RNGTT: variants seen among roughly 807,000 people sequenced by gnomAD.
The protein encoded by RNGTT is mRNA-capping enzyme.
In RNGTT, 33 loss-of-function variants were observed where a neutral mutation model predicts 79.3. That is an observed-to-expected ratio of 0.42 (90% CI 0.32 to 0.56). RNGTT has a LOEUF of 0.56. Ranked by LOEUF, RNGTT falls within the 20% of genes least tolerant of loss-of-function variation. The probability of loss-of-function intolerance (pLI) is 0.17; values close to 1 mark genes in which losing one functional copy is unlikely to be tolerated. For synonymous variants in RNGTT, 222 were observed against 235.9 expected, an observed-to-expected ratio of 0.94 and a Z score of 0.54; for missense variants, 497 against 739.1, an observed-to-expected ratio of 0.67 and a Z score of 3.80.
intron 13 of RNGTT, among the ~76,000 whole-genome samples, chr6:88,737,312 G>C (rs994892558): frequency 2.0e-5 from 3 of 152,172 alleles, no homozygotes; most frequent in Non-Finnish European, 4.4e-5. Context: ...CACAGCTAGA[G>C]AGAATTTTGT....
At chr6:88,664,679 T>C (rs145761220) in intron 14 of RNGTT, among the ~76,000 whole-genome samples, 1 of 152,130 alleles carries the variant, frequency 6.6e-6, no homozygotes, top group Non-Finnish European at 1.5e-5. Flanking sequence ...GAAAGATAAG[T>C]GCCCTCAGCT....
chr6:88,718,386 CAA>C (rs569752110), intron 13 of RNGTT, among the ~76,000 whole-genome samples: 25 of 90,200 alleles, frequency 2.8e-4, no homozygotes, highest in Admixed American at 3.9e-4. Flanking sequence ...GACTGTCTCT[CAA>C]AAAAAAAAAA....
chr6:88,624,875 A>G (rs1394164195), intron 14 of RNGTT, among the ~76,000 whole-genome samples: 1 of 151,948 alleles, frequency 6.6e-6, no homozygotes, highest in Non-Finnish European at 1.5e-5. Context: ...AAACTCAGTA[A>G]GAAACAAACA....
intron 4 of RNGTT, among the ~76,000 whole-genome samples, chr6:88,922,672 C>T (rs763265040): frequency 2.0e-5 from 3 of 152,078 alleles, no homozygotes; most frequent in Non-Finnish European, 2.9e-5. Flanking sequence ...GGACTACAGG[C>T]GTCCGCCACC....
intron 4 of RNGTT, among the ~76,000 whole-genome samples, chr6:88,920,729 A>G (rs1054515340): frequency 6.6e-6 from 1 of 152,248 alleles, no homozygotes; most frequent in Non-Finnish European, 1.5e-5. Context: ...ATTAGATGTC[A>G]TGATTTTAGA....
intron 13 of RNGTT, among the ~76,000 whole-genome samples, chr6:88,710,304 T>C (rs1776275187): frequency 6.6e-6 from 1 of 152,228 alleles, no homozygotes; most frequent in South Asian, 2.1e-4. Flanking sequence ...GGTTTTATCA[T>C]ACATATGTAT....
intron 14 of RNGTT, among the ~76,000 whole-genome samples, chr6:88,639,504 C>T (rs1044112261): frequency 6.6e-6 from 1 of 152,070 alleles, no homozygotes. Context: ...CAAGCACTTG[C>T]CAAGTAAGTG....
chr6:88,959,994 A>T (rs1254392463), intron 1 of RNGTT, among the ~76,000 whole-genome samples: 2 of 152,226 alleles, frequency 1.3e-5, no homozygotes, highest in Non-Finnish European at 2.9e-5. Flanking sequence ...TTTACTGAAG[A>T]TAATTCATGT....
intron 12 of RNGTT, among the ~76,000 whole-genome samples, chr6:88,791,699 C>T (rs1779420588): frequency 6.6e-6 from 1 of 151,954 alleles, no homozygotes; most frequent in Admixed American, 6.6e-5. Flanking sequence ...ACCACCACAC[C>T]CGGCTAATTT....
At chr6:88,906,339 CT>C in intron 5 of RNGTT, 25 bp downstream of exon 5, 1 of 1,441,476 alleles carries the variant, frequency 6.9e-7, no homozygotes, top group East Asian at 2.3e-5. Flanking sequence ...CAAAATACAT[CT>C]TCCATTATAA....
intron 8 of RNGTT, among the ~76,000 whole-genome samples, chr6:88,874,029 T>C (rs1782436765): frequency 1.3e-5 from 2 of 152,160 alleles, no homozygotes; most frequent in African/African-American, 4.8e-5. Context: ...GTTCTGTATA[T>C]AAGAAGCCTC....
In RNGTT at chr6:88,610,952, T is replaced by C. The variant is rs1562146889; in HGVS notation, c.*1767A>G. The C allele has an allele frequency of 6.6e-6, 1 of 152,240 alleles. No individual in the cohort carries two copies. 9.4% of individuals were successfully genotyped at this position (152,240 alleles called of 1,614,324 possible). Reference sequence around the variant, plus strand: ...ACTATTTGAAGTTGCATAGGCATTTTTTTTTTAATCCATTTTGTAAAAGAT... The same window carrying C: ...ACTATTTGAAGTTGCATAGGCATTTCTTTTTTAATCCATTTTGTAAAAGAT... On this transcript the variant is annotated 3_prime_UTR_variant, in exon 16 of 16. Coordinates refer to ENST00000369485, the MANE Select transcript of RNGTT (RefSeq NM_003800.5).
intron 13 of RNGTT, among the ~76,000 whole-genome samples, chr6:88,714,721 C>T (rs557497100): frequency 1.3e-4 from 12 of 89,758 alleles, no homozygotes; most frequent in Non-Finnish European, 2.3e-4. Context: ...GGATTACAGG[C>T]GTGAGCCACC....
chr6:88,895,077 A>G (rs1456761480), intron 6 of RNGTT, among the ~76,000 whole-genome samples: 3 of 152,176 alleles, frequency 2.0e-5, no homozygotes, highest in East Asian at 1.9e-4. Flanking sequence ...GAAAGTTAAA[A>G]AAGTATGTTT....
intron 10 of RNGTT, among the ~76,000 whole-genome samples, chr6:88,845,642 G>A (rs1781460541): frequency 6.6e-6 from 1 of 152,116 alleles, no homozygotes; most frequent in African/African-American, 2.4e-5. Context: ...TTTACATAGG[G>A]GTGGCAGCAC....
chr6:88,630,967 CATTTAAAATGT>C (rs1221746515), intron 14 of RNGTT, among the ~76,000 whole-genome samples: 2 of 152,062 alleles, frequency 1.3e-5, no homozygotes, highest in African/African-American at 4.8e-5. Flanking sequence ...TTCTTATATC[CATTTAAAATGT>C]TTACTTTATT....
At chr6:88,703,873 G>A (rs566348081) in intron 13 of RNGTT, among the ~76,000 whole-genome samples, 1 of 152,224 alleles carries the variant, frequency 6.6e-6, no homozygotes, top group South Asian at 2.1e-4. Context: ...CCCACCTTAA[G>A]CTTGGCAAGC....
intron 12 of RNGTT, among the ~76,000 whole-genome samples, chr6:88,798,292 C>A (rs1779667447): frequency 6.6e-6 from 1 of 151,900 alleles, no homozygotes; most frequent in Non-Finnish European, 1.5e-5. Flanking sequence ...AGGCAAAACC[C>A]CGTATCTACG....
intron 11 of RNGTT, among the ~76,000 whole-genome samples, chr6:88,830,064 T>G (rs1334176231): frequency 6.6e-6 from 1 of 152,122 alleles, no homozygotes; most frequent in Non-Finnish European, 1.5e-5. Flanking sequence ...TACAGAACTC[T>G]CCAAGCAAAA....
Sources: allele counts gnomAD v4.1 joint callset (sites outside exome capture counted in the v4.1 genomes callset), GRCh38; gene constraint gnomAD v4.1.1; transcripts MANE v1.5; gene names NCBI Gene and HGNC (gene_info 2026-07-23, HGNC 2026-07-21).